GBE1: variants seen among roughly 807,000 people sequenced by gnomAD.
GBE1 encodes 1,4-alpha-glucan branching enzyme 1.
GBE1 carries 70 observed loss-of-function variants against 88.8 expected under a neutral mutation model. The observed-to-expected ratio is 0.79, with a 90% CI of 0.65 to 0.96. The LOEUF (loss-of-function observed/expected upper bound fraction) is 0.96. Among genes scored for constraint, GBE1 ranks in the 40% least tolerant of loss-of-function variants. GBE1 has a pLI of 0.00. For synonymous variants in GBE1, 284 were observed against 300.1 expected (o/e 0.95, Z 0.56); for missense variants, 872 against 871.0 (o/e 1.00, Z -0.01).
At chr3:81,535,547 C>T (rs1371343657) in intron 13 of GBE1, among the ~76,000 whole-genome samples, 1 of 151,986 alleles carries the variant, frequency 6.6e-6, no homozygotes. Flanking sequence ...CAGCCACTTG[C>T]TACCCTCATA....
chr3:81,493,822 C>T (rs960223685), intron 15 of GBE1, among the ~76,000 whole-genome samples: 3 of 145,426 alleles, frequency 2.1e-5, no homozygotes, highest in African/African-American at 7.8e-5. Context: ...GCCACCACAC[C>T]CATCCGAGAG....
At chr3:81,584,308 T>C (rs921493018) in intron 10 of GBE1, among the ~76,000 whole-genome samples, 1 of 152,106 alleles carries the variant, frequency 6.6e-6, no homozygotes, top group Non-Finnish European at 1.5e-5. Flanking sequence ...TAACTCATAC[T>C]GTATGGGTAG....
At chr3:81,516,275 C>A (rs1702797770) in intron 14 of GBE1, among the ~76,000 whole-genome samples, 1 of 151,540 alleles carries the variant, frequency 6.6e-6, no homozygotes, top group Admixed American at 6.6e-5. Flanking sequence ...TTTCCAAAAA[C>A]CTATGCCCTT....
At chr3:81,632,249 G>T (rs1054006234) in intron 7 of GBE1, among the ~76,000 whole-genome samples, 7 of 152,100 alleles carry the variant, frequency 4.6e-5, no homozygotes, top group African/African-American at 1.4e-4. Flanking sequence ...TTGCTATTGT[G>T]AATAGTGCTG....
chr3:81,552,768 T>A (rs746777437), intron 12 of GBE1, among the ~76,000 whole-genome samples: 2 of 152,144 alleles, frequency 1.3e-5, no homozygotes, highest in Non-Finnish European at 2.9e-5. Context: ...TGGAAGATGA[T>A]TTTAAATAAA....
At chr3:81,603,626 C>T (rs1219069448) in intron 7 of GBE1, among the ~76,000 whole-genome samples, 1 of 152,086 alleles carries the variant, frequency 6.6e-6, no homozygotes, top group African/African-American at 2.4e-5. Context: ...TCCCAAGTAG[C>T]TGGGATTACA....
intron 11 of GBE1, among the ~76,000 whole-genome samples, chr3:81,578,543 GTAATA>G (rs1479963876): frequency 3.3e-5 from 5 of 150,986 alleles, no homozygotes; most frequent in Non-Finnish European, 4.4e-5. Flanking sequence ...ATATATATGA[GTAATA>G]TAATATGTGT....
chr3:81,631,605 G>C (rs1704511368), intron 7 of GBE1, among the ~76,000 whole-genome samples: 1 of 151,458 alleles, frequency 6.6e-6, no homozygotes, highest in Admixed American at 6.6e-5. Flanking sequence ...AAATTAGCCA[G>C]GTGTGGTGGT....
At chr3:81,667,282 C>T (rs1261398271) in intron 3 of GBE1, among the ~76,000 whole-genome samples, 3 of 151,970 alleles carry the variant, frequency 2.0e-5, no homozygotes, top group Admixed American at 6.6e-5. Flanking sequence ...TTGTGATTTT[C>T]GCACATTGAT....
chr3:81,748,706 G>C (rs1706453459), intron 1 of GBE1, among the ~76,000 whole-genome samples: 1 of 151,872 alleles, frequency 6.6e-6, no homozygotes, highest in African/African-American at 2.4e-5. Flanking sequence ...AACTTGTACA[G>C]ATACTGTAGA....
intron 14 of GBE1, among the ~76,000 whole-genome samples, chr3:81,514,669 T>C (rs977213009): frequency 3.3e-5 from 5 of 151,540 alleles, no homozygotes; most frequent in African/African-American, 9.7e-5. Flanking sequence ...TAGGAGCCCG[T>C]AGGTAATTTT....
intron 4 of GBE1, 105 bp downstream of exon 4, chr3:81,649,691 C>T (rs1704817463): frequency 1.2e-6 from 1 of 831,282 alleles, no homozygotes; most frequent in Admixed American, 2.9e-5. Context: ...ACGCAACTGT[C>T]AGTGAAGATA....
chr3:81,497,607 C>T (rs1702517429), intron 15 of GBE1, among the ~76,000 whole-genome samples: 1 of 152,150 alleles, frequency 6.6e-6, no homozygotes, highest in East Asian at 1.9e-4. Context: ...GTGATCTTTT[C>T]ACTATACCTT....
In GBE1 at chr3:81,516,079, T is replaced by C. The variant is rs560406795; in HGVS notation, c.1935-16852A>G. ...GATCTAGCTAGGATATTGATAAACGTGACTACACTAAACAATGGATTTTCA... is the reference window on the plus strand; with the variant it reads ...GATCTAGCTAGGATATTGATAAACGCGACTACACTAAACAATGGATTTTCA... On this transcript the variant is annotated intron_variant, in intron 14 of 15. Coordinates refer to ENST00000429644, the MANE Select transcript of GBE1 (RefSeq NM_000158.4). Among the ~76,000 whole-genome samples, 19 of 151,664 alleles carry C rather than the reference T, an allele frequency of 1.3e-4. 1 individual carries two copies. Among genetic ancestry groups the C allele is most frequent in the Non-Finnish European group, 2.8e-4 (19 of 67,762 alleles).
chr3:81,745,074 C>T (rs775117918), intron 1 of GBE1, among the ~76,000 whole-genome samples: 18 of 152,064 alleles, frequency 1.2e-4, no homozygotes, highest in Admixed American at 2.0e-4. Context: ...TCAGGTAGGA[C>T]GCCTATCTTA....
At chr3:81,631,301 C>G (rs1367237452) in intron 7 of GBE1, among the ~76,000 whole-genome samples, 1 of 152,170 alleles carries the variant, frequency 6.6e-6, no homozygotes, top group Non-Finnish European at 1.5e-5. Flanking sequence ...GGCACCTGGA[C>G]ACTTAAAACA....
chr3:81,749,201 T>A (rs1213944045), intron 1 of GBE1, among the ~76,000 whole-genome samples: 1 of 152,138 alleles, frequency 6.6e-6, no homozygotes, highest in East Asian at 1.9e-4. Context: ...AATCCAAATG[T>A]CCTTCAACAG....
At chr3:81,702,100 AGAGTGTGTGTGT>A (rs1275915827) in intron 2 of GBE1, among the ~76,000 whole-genome samples, 2,977 of 75,530 alleles carry the variant, frequency 0.039, 55 homozygotes, top group Admixed American at 0.096. Flanking sequence ...AGAGAGAGAG[AGAGTGTGTGTGT>A]GTGTGTGTGT....
intron 1 of GBE1, among the ~76,000 whole-genome samples, chr3:81,741,835 A>G (rs1425965208): frequency 6.8e-6 from 1 of 147,774 alleles, no homozygotes; most frequent in African/African-American, 2.5e-5. Context: ...CATATTATAT[A>G]GATTATATAT....
Sources: gnomAD v4.1 joint callset for allele counts (sites outside exome capture counted in the v4.1 genomes callset) on GRCh38, gnomAD v4.1.1 for gene constraint, MANE v1.5 for transcripts, NCBI Gene and HGNC (gene_info 2026-07-23, HGNC 2026-07-21) for gene names.